PCNX2: variants seen among roughly 807,000 people sequenced by gnomAD.
The protein encoded by PCNX2 is pecanex-like protein 2.
PCNX2 carries 168 observed loss-of-function variants against 223.8 expected under a neutral mutation model. The ratio of observed to expected loss-of-function variants is 0.75; its 90% CI spans 0.66 to 0.85. The LOEUF (loss-of-function observed/expected upper bound fraction) is 0.85, where lower values mean the gene tolerates loss of function less well. PCNX2 is among the 40% of genes least tolerant of loss of function. The pLI is 0.00. For synonymous variants in PCNX2, 1,006 were observed against 1,052.6 expected (o/e 0.96, Z 0.86); for missense variants, 2,507 against 2,675.5 (o/e 0.94, Z 1.39).
At chr1:233,121,066 AT>A (rs1204474397) in intron 21 of PCNX2, among the ~76,000 whole-genome samples, 1 of 151,860 alleles carries the variant, frequency 6.6e-6, no homozygotes, top group Non-Finnish European at 1.5e-5. Flanking sequence ...AAAAAAAAAA[AT>A]ACACCCTCCA....
chr1:233,050,641 T>C (rs1423492335), intron 25 of PCNX2, among the ~76,000 whole-genome samples: 1 of 152,180 alleles, frequency 6.6e-6, no homozygotes, highest in East Asian at 1.9e-4. Flanking sequence ...TGCAGAAGAA[T>C]GAAACAGGAC....
intron 10 of PCNX2, among the ~76,000 whole-genome samples, chr1:233,222,041 C>T (rs1028970819): frequency 6.6e-6 from 1 of 152,070 alleles, no homozygotes; most frequent in Non-Finnish European, 1.5e-5. Flanking sequence ...GTAAAATATA[C>T]AATATGTAAA....
intron 18 of PCNX2, 87 bp downstream of exon 18, chr1:233,161,184 T>A: frequency 2.8e-5 from 35 of 1,246,178 alleles, no homozygotes; most frequent in Non-Finnish European, 3.9e-5. Context: ...GGCTCACGTG[T>A]CTTGTCAATA....
intron 1 of PCNX2, chr1:233,285,079 G>A: frequency 1.1e-6 from 1 of 927,964 alleles, no homozygotes; most frequent in Non-Finnish European, 1.3e-6. Context: ...AGGGCCGGGT[G>A]CAGTGGTTCA....
chr1:233,060,615 C>T (rs949111710), intron 23 of PCNX2, among the ~76,000 whole-genome samples: 2 of 152,222 alleles, frequency 1.3e-5, no homozygotes, highest in Non-Finnish European at 2.9e-5. Context: ...CTCAAAGGTG[C>T]TAATTAGCTC....
rs201078893 is a variant in PCNX2, at chr1:233,000,439, C to T, written c.5194G>A (p.Asp1732Asn). The change falls in exon 30 of 34, where the codon GAC (aspartate) becomes AAC (asparagine). Residue 1732 changes from aspartate (D) to asparagine (N), a missense_variant. Asp to Asn is a conservative substitution (Grantham distance 23). Coordinates refer to ENST00000258229, the MANE Select transcript of PCNX2 (RefSeq NM_014801.4). This position sits in a 1 kb window ranked among gnomAD's most constrained non-coding sequence, Gnocchi z 4.6. The part of the protein sequence containing the change: ...EKKVVICHEG[D>N]PAWRGAVLSN... ...AGCACTGCGCCCCGCCAGGCCGGGT[C>T]GCCCTCGTGGCAGATGACCACCTTC... The T allele has an allele frequency of 5.3e-5, 84 of 1,599,048 alleles. No individual in the cohort carries two copies. The highest frequency in any genetic ancestry group is 1.5e-4 in the South Asian group (13 of 89,212).
intron 22 of PCNX2, 70 bp from the exon 23 acceptor site, chr1:233,090,260 T>C (rs935085218): frequency 7.1e-6 from 11 of 1,541,432 alleles, no homozygotes; most frequent in African/African-American, 5.6e-5. Context: ...ATTTCAAATT[T>C]TGATGAGTTT....
rs1235454611 is a variant in PCNX2 at position 233,278,476 on chromosome 1, G to A, written c.154-15313C>T. On this transcript the variant is annotated intron_variant, in intron 1 of 33. Coordinates refer to ENST00000258229, the MANE Select transcript of PCNX2 (RefSeq NM_014801.4). ...CAATGGGACAAGCGCCTCCTGAGGTGTTTTATCACCATGATGGAAAGGGGG... is the reference window on the plus strand; with the variant it reads ...CAATGGGACAAGCGCCTCCTGAGGTATTTTATCACCATGATGGAAAGGGGG... Among the ~76,000 whole-genome samples, 7 of 152,184 alleles carry A rather than the reference G, an allele frequency of 4.6e-5. No homozygotes were observed. In the South Asian group the frequency reaches 6.2e-4, roughly 13 times the overall value.
intron 15 of PCNX2, among the ~76,000 whole-genome samples, chr1:233,188,703 A>T (rs1413759947): frequency 6.6e-6 from 1 of 152,054 alleles, no homozygotes; most frequent in Admixed American, 6.6e-5. Context: ...TTGTATTTTT[A>T]GTAGAGATGG....
At position 233,138,554 on chromosome 1, in the gene PCNX2, G is replaced by A. The variant is rs539932186; in HGVS notation, c.3659+1160C>T. ...GTCAACCAGGACTGTACCATACTGG[G>A]AATCCCTGCCTTAGAGAAGCTCACA... On this transcript the variant is annotated intron_variant, in intron 20 of 33. Transcript: ENST00000258229. 3.6e-3 allele frequency among the ~76,000 whole-genome samples: 553 copies of A among 152,256 alleles called. 2 individuals are homozygous for A. The highest frequency in any genetic ancestry group is 9.3e-3 in the Admixed American group (142 of 15,296).
intron 9 of PCNX2, among the ~76,000 whole-genome samples, chr1:233,229,077 C>T (rs141427680): frequency 4.6e-5 from 7 of 152,266 alleles, no homozygotes; most frequent in Non-Finnish European, 1.0e-4. Flanking sequence ...GGGCAGACAG[C>T]ACAACTTTTT....
At chr1:233,261,924 G>C in intron 3 of PCNX2, 121 bp downstream of exon 3, 1 of 1,448,946 alleles carries the variant, frequency 6.9e-7, no homozygotes. Flanking sequence ...ATATTCCACT[G>C]TACACGGGCC....
the PCNX2 span, among the ~76,000 whole-genome samples, chr1:233,309,051 G>A: frequency 6.6e-6 from 1 of 151,970 alleles, no homozygotes; most frequent in African/African-American, 2.4e-5. Context: ...AGAGGCAAAA[G>A]TTCCTCAGAC....
intron 25 of PCNX2, among the ~76,000 whole-genome samples, chr1:233,047,648 G>T (rs1222504250): frequency 6.6e-6 from 1 of 152,076 alleles, no homozygotes; most frequent in African/African-American, 2.4e-5. Context: ...AATTCAACAA[G>T]ACTTAACTAT....
chr1:232,986,412 G>C lies in PCNX2; in HGVS notation c.5920C>G (p.His1974Asp). Residue 1974 changes from histidine (H) to aspartate (D), a missense_variant, in exon 33 of 34, where the codon CAC becomes GAC. This residue lies in a region of PCNX2 where 1,372 missense variants were observed against 1,509.4 expected (regional missense o/e 0.91). Transcript: ENST00000258229. Reference protein sequence around the residue: ...QTFLQTSTSVHELAQRLSGSR... With the variant: ...QTFLQTSTSVDELAQRLSGSR... ...CCCGAGAGCCTCTGGGCCAGCTCGT[G>C]CACTGAGGTGGACGTCTGGAGGAAT... The C allele has an allele frequency of 3.1e-6, 5 of 1,605,934 alleles. No homozygotes were observed. Among genetic ancestry groups the C allele is most frequent in the Non-Finnish European group, 4.3e-6 (5 of 1,176,348 alleles).
At chr1:233,325,597 A>C in the PCNX2 span, among the ~76,000 whole-genome samples, 2 of 152,038 alleles carry the variant, frequency 1.3e-5, no homozygotes, top group Non-Finnish European at 2.9e-5. Flanking sequence ...AATGCCGCGA[A>C]CCCAGGAGGC....
chr1:233,258,234 T>C lies in PCNX2; in HGVS notation c.1628A>G (p.Lys543Arg). 1 of 1,614,020 alleles carries C rather than the reference T, an allele frequency of 6.2e-7. No homozygotes were observed. The highest frequency in any genetic ancestry group is 1.1e-5 in the South Asian group (1 of 91,086). Residue 543 changes from lysine to arginine, a missense_variant, in exon 5 of 34, where the codon AAA becomes AGA. By Grantham distance (26) the Lys-to-Arg change is conservative (BLOSUM62 2). Transcript: ENST00000258229. ...VDSGTDVFLS[K>R]SSAEIVNDTE... ...ATCGTTAACAATTTCTGCAGAACTT[T>C]TACTCAAGAAGACATCTGTCCCACT...
intron 23 of PCNX2, among the ~76,000 whole-genome samples, chr1:233,087,607 G>A (rs1185026013): frequency 6.6e-6 from 1 of 152,206 alleles, no homozygotes; most frequent in Non-Finnish European, 1.5e-5. Flanking sequence ...GTAAGGACCA[G>A]ATGAGATTTC....
chr1:233,093,721 T>C (rs1393122877), intron 22 of PCNX2, among the ~76,000 whole-genome samples: 1 of 152,062 alleles, frequency 6.6e-6, no homozygotes, highest in Admixed American at 6.5e-5. Flanking sequence ...GGAGGTCAAT[T>C]TGAAGGCTCT....
Sources: allele counts gnomAD v4.1 joint callset (sites outside exome capture counted in the v4.1 genomes callset), GRCh38; gene constraint gnomAD v4.1.1; regional missense constraint gnomAD v4.1.1; non-coding constraint Gnocchi (gnomAD v3.1); transcripts MANE v1.5; gene names NCBI Gene and HGNC (gene_info 2026-07-23, HGNC 2026-07-21).